The following CHN1 variants were observed in gnomAD, a reference collection of about 807,000 sequenced individuals.
The protein encoded by CHN1 is chimerin 1, also known as N-chimaerin.
In CHN1, 37 loss-of-function variants were observed where a neutral mutation model predicts 59.5. The ratio of observed to expected loss-of-function variants is 0.62; its 90% CI spans 0.48 to 0.82. The LOEUF is 0.82. CHN1 is among the 40% of genes least tolerant of loss of function. The pLI is 0.00. For synonymous variants in CHN1, 206 were observed against 200.4 expected, an observed-to-expected ratio of 1.03 and a Z score of -0.24; for missense variants, 469 against 571.0, an observed-to-expected ratio of 0.82 and a Z score of 1.82.
intron 5 of CHN1, among the ~76,000 whole-genome samples, chr2:174,898,819 T>C (rs1487609917): frequency 6.6e-6 from 1 of 152,190 alleles, no homozygotes; most frequent in Non-Finnish European, 1.5e-5. Flanking sequence ...TGTCTAAGAA[T>C]TCTACCATAA....
chr2:174,926,228 A>G (rs577326540), intron 3 of CHN1, among the ~76,000 whole-genome samples: 95 of 151,726 alleles, frequency 6.3e-4, no homozygotes, highest in Non-Finnish European at 1.1e-3. Context: ...TTTTGAGACA[A>G]GGTCTTGCTC....
chr2:174,906,173 C>G (rs1688537967), intron 5 of CHN1, among the ~76,000 whole-genome samples: 1 of 151,998 alleles, frequency 6.6e-6, no homozygotes, highest in Admixed American at 6.6e-5. Context: ...CAATTTTATT[C>G]ATAATAACAT....
At chr2:174,976,916 A>T (rs1254979636) in intron 1 of CHN1, among the ~76,000 whole-genome samples, 1 of 152,202 alleles carries the variant, frequency 6.6e-6, no homozygotes, top group Non-Finnish European at 1.5e-5. Flanking sequence ...ATCATAAAAG[A>T]TGAAAAAATA....
chr2:174,944,056 A>G (rs955072889), intron 3 of CHN1, among the ~76,000 whole-genome samples: 3 of 152,226 alleles, frequency 2.0e-5, no homozygotes, highest in Non-Finnish European at 4.4e-5. Context: ...CCGTATCAGT[A>G]CATAGAAATC....
intron 7 of CHN1, among the ~76,000 whole-genome samples, chr2:174,840,496 C>T (rs1558947111): frequency 6.6e-6 from 1 of 152,002 alleles, no homozygotes; most frequent in Non-Finnish European, 1.5e-5. Context: ...TCTCATCATT[C>T]TCATTATATT....
chr2:174,959,258 G>A (rs1485982509), intron 1 of CHN1, among the ~76,000 whole-genome samples: 1 of 152,298 alleles, frequency 6.6e-6, no homozygotes, highest in Non-Finnish European at 1.5e-5. Context: ...TAGATGAGAT[G>A]TTCTTTGAAG....
intron 5 of CHN1, 54 bp downstream of exon 5, chr2:174,915,004 A>G (rs1399597407): frequency 9.4e-7 from 1 of 1,063,386 alleles, no homozygotes; most frequent in Admixed American, 2.5e-5. Context: ...TTAAAGCCCT[A>G]TATTAAGAGA....
intron 3 of CHN1, among the ~76,000 whole-genome samples, chr2:174,942,468 C>T (rs1689694658): frequency 6.6e-6 from 1 of 151,668 alleles, no homozygotes; most frequent in South Asian, 2.1e-4. Context: ...ATTGATCTCA[C>T]AGAAGATGAG....
intron 8 of CHN1, among the ~76,000 whole-genome samples, chr2:174,819,550 C>T (rs1490045909): frequency 2.0e-5 from 3 of 152,088 alleles, no homozygotes; most frequent in Non-Finnish European, 4.4e-5. Flanking sequence ...TTGACAGTCT[C>T]CATGATTACA....
At chr2:174,802,632 T>C (rs1684762696) in intron 11 of CHN1, among the ~76,000 whole-genome samples, 1 of 152,244 alleles carries the variant, frequency 6.6e-6, no homozygotes. Flanking sequence ...TTCAATTCAT[T>C]AGTCATTTGT....
At chr2:174,942,862 C>G (rs2105401824) in intron 3 of CHN1, among the ~76,000 whole-genome samples, 1 of 152,138 alleles carries the variant, frequency 6.6e-6, no homozygotes, top group Non-Finnish European at 1.5e-5. Flanking sequence ...CCAGCTTGGG[C>G]AACATGGCGA....
At chr2:174,997,793 A>T (rs1346739968) in intron 1 of CHN1, among the ~76,000 whole-genome samples, 2 of 151,680 alleles carry the variant, frequency 1.3e-5, no homozygotes, top group Non-Finnish European at 2.9e-5. Flanking sequence ...GCACTTTGGG[A>T]GACCGAGGCG....
At chr2:174,870,401 T>C (rs879533379) in intron 6 of CHN1, among the ~76,000 whole-genome samples, 1 of 152,212 alleles carries the variant, frequency 6.6e-6, no homozygotes, top group Non-Finnish European at 1.5e-5. Context: ...TGTGTTTTCA[T>C]AACTTAAGTA....
chr2:174,871,174 T>C, intron 6 of CHN1, among the ~76,000 whole-genome samples: 1 of 144,326 alleles, frequency 6.9e-6, no homozygotes, highest in Non-Finnish European at 1.5e-5. Context: ...GCTTGGTCAC[T>C]TACCATCTTG....
intron 1 of CHN1, among the ~76,000 whole-genome samples, chr2:174,983,558 G>A (rs1691233727): frequency 6.6e-6 from 1 of 152,122 alleles, no homozygotes; most frequent in Admixed American, 6.6e-5. Context: ...GGCCGGGCAC[G>A]GTGGCTCATG....
chr2:174,957,666 A>T (rs114551667), intron 1 of CHN1, among the ~76,000 whole-genome samples: 1,546 of 152,146 alleles, frequency 0.01, 31 homozygotes, highest in African/African-American at 0.035. Context: ...GTGTGTCTCC[A>T]CTTCCTTGTG....
At chr2:174,888,774 T>C (rs1053098244) in intron 5 of CHN1, among the ~76,000 whole-genome samples, 3 of 152,222 alleles carry the variant, frequency 2.0e-5, no homozygotes, top group Non-Finnish European at 4.4e-5. Context: ...CATGCAATGT[T>C]GGCTTTTTAG....
chr2:174,809,178 A>G (rs1684997212), intron 10 of CHN1, 136 bp from the exon 11 acceptor site: 2 of 761,120 alleles, frequency 2.6e-6, no homozygotes, highest in Non-Finnish European at 4.0e-6. Context: ...TTAGTGTGCT[A>G]CGTTACATAT....
intron 5 of CHN1, among the ~76,000 whole-genome samples, chr2:174,904,151 T>C (rs997267518): frequency 7.9e-5 from 12 of 151,676 alleles, no homozygotes; most frequent in African/African-American, 2.7e-4. Flanking sequence ...TAGTCCCAGC[T>C]ACTCGGGAGG....
Sources: gnomAD v4.1 joint callset for allele counts (sites outside exome capture counted in the v4.1 genomes callset) on GRCh38, gnomAD v4.1.1 for gene constraint, MANE v1.5 for transcripts, NCBI Gene and HGNC (gene_info 2026-07-23, HGNC 2026-07-21) for gene names.